Variants in DNAAF1 observed in about 807,000 individuals in gnomAD.
The protein encoded by DNAAF1 is dynein assembly factor 1, axonemal.
In DNAAF1, 65 loss-of-function variants were observed where a neutral mutation model predicts 71.1. That is an observed-to-expected ratio of 0.91 (90% CI 0.75 to 1.12). The LOEUF (loss-of-function observed/expected upper bound fraction) is 1.12. DNAAF1 is among the 50% of genes most tolerant of loss of function. The pLI, the probability that DNAAF1 is intolerant of heterozygous loss-of-function variation, is 0.00. For synonymous variants in DNAAF1, 414 were observed against 354.6 expected, an observed-to-expected ratio of 1.17 and a Z score of -1.88; for missense variants, 1,178 against 899.8, an observed-to-expected ratio of 1.31 and a Z score of -3.96.
intron 2 of DNAAF1, 136 bp from the exon 3 acceptor site, chr16:84,150,115 C>T (rs1297941553): frequency 2.1e-5 from 14 of 663,172 alleles, no homozygotes; most frequent in Admixed American, 4.9e-5. Flanking sequence ...GAGAAAAAGA[C>T]GAACTTAAAA....
chr16:84,170,177 C>T lies in DNAAF1; in HGVS notation c.1349C>T (p.Pro450Leu), dbSNP rs201362004. Residue 450 changes from proline (P) to leucine (L), a missense_variant, in exon 8 of 12, where the codon CCG becomes CTG. By Grantham distance (98) the Pro-to-Leu change is moderately conservative. Transcript: ENST00000378553. The part of the protein sequence containing the change: ...GTLPAEAPPP[P>L]PPVEVKGEDG... ...CTCCCAGCTGAGGCCCCACCACCCC[C>T]GCCACCTGTGGAGGTTAAAGGAGAG... 1.7e-5 allele frequency: 28 copies of T among 1,609,824 alleles called. No homozygotes were observed. Among genetic ancestry groups the T allele is most frequent in the African/African-American group, 2.7e-5 (2 of 74,274 alleles).
At position 84,162,831 on chromosome 16, in the gene DNAAF1, A is replaced by T. The variant is rs1031492142; in HGVS notation, c.864-2952A>T. ...GAGACTGTCTCAAAAAAACAAAAAA[A>T]AAAGAAATACCATCCCCATTAGCAG... On this transcript the variant is annotated intron_variant, in intron 6 of 11. Transcript: ENST00000378553. Among the ~76,000 whole-genome samples the T allele has an allele frequency of 5.3e-5, 8 of 152,100 alleles. No homozygotes were observed. The East Asian group carries it at 7.7e-4, about 15-fold the overall frequency.
chr16:84,155,382 C>T (rs2087378507), intron 4 of DNAAF1, among the ~76,000 whole-genome samples: 1 of 152,150 alleles, frequency 6.6e-6, no homozygotes. Flanking sequence ...GCATGTGCCA[C>T]CAGACCTGGC....
rs1256195166 is a variant in DNAAF1, at chr16:84,150,024, C to CA, written c.261-216dup. Among the ~76,000 whole-genome samples, 2,222 of 117,356 alleles carry CA rather than the reference C, an allele frequency of 0.019. 60 individuals are homozygous for CA. The highest frequency in any genetic ancestry group is 0.065 in the African/African-American group (2,067 of 31,728). 77.0% of individuals were successfully genotyped at this position (117,356 alleles called of 152,430 possible). ...TGGGCAATAGAGTGAGACTCTGTCT[C>CA]AAAAAAAAAAATGCTGAAAATAATA... is the stretch of plus-strand genomic sequence containing the variant. On this transcript the variant is annotated intron_variant, in intron 2 of 11. Coordinates refer to ENST00000378553, the MANE Select transcript of DNAAF1 (RefSeq NM_178452.6).
At chr16:84,156,404 G>C (rs1235123870) in intron 5 of DNAAF1, among the ~76,000 whole-genome samples, 1 of 152,236 alleles carries the variant, frequency 6.6e-6, no homozygotes, top group Non-Finnish European at 1.5e-5. Flanking sequence ...ATCGGAGCCA[G>C]AGGCTGGATG....
intron 3 of DNAAF1, among the ~76,000 whole-genome samples, chr16:84,154,194 A>G (rs191011860): frequency 1.3e-5 from 2 of 152,300 alleles, no homozygotes; most frequent in African/African-American, 4.8e-5. Context: ...GTAGACAACA[A>G]AAATGTATTT....
chr16:84,170,293 G>A lies in DNAAF1; in HGVS notation c.1465G>A (p.Glu489Lys), dbSNP rs769802996. The A allele has an allele frequency of 3.2e-5, 52 of 1,612,298 alleles. No individual in the cohort carries two copies. The highest frequency in any genetic ancestry group is 4.2e-5 in the Non-Finnish European group (50 of 1,179,306). Reference sequence around the variant, plus strand: ...GGTTAAAGGAGAGGATGGAGATCGAGAGCCAGAGGGGACCCTCCCAGCTGA... The same window carrying A: ...GGTTAAAGGAGAGGATGGAGATCGAAAGCCAGAGGGGACCCTCCCAGCTGA... ...VKVKGEDGDREPEGTLPAEAP... is the reference protein window; with the variant it reads ...VKVKGEDGDRKPEGTLPAEAP... The change falls in exon 8 of 12, where the codon GAG becomes AAG. Residue 489 changes from glutamate to lysine, a missense_variant. Coordinates refer to ENST00000378553, the MANE Select transcript of DNAAF1 (RefSeq NM_178452.6).
At chr16:84,169,209 G>C (rs2088190957) in intron 7 of DNAAF1, among the ~76,000 whole-genome samples, 1 of 149,118 alleles carries the variant, frequency 6.7e-6, no homozygotes, top group Non-Finnish European at 1.5e-5. Flanking sequence ...TAGTAGCTGG[G>C]ATTATAGGCA....
chr16:84,156,745 T>C (rs1254403584), intron 5 of DNAAF1, among the ~76,000 whole-genome samples: 3 of 152,184 alleles, frequency 2.0e-5, no homozygotes, highest in Admixed American at 6.5e-5. Context: ...CGCCAACTAG[T>C]GGTTCATGCA....
intron 3 of DNAAF1, among the ~76,000 whole-genome samples, chr16:84,151,255 GCA>G: frequency 6.6e-6 from 1 of 152,256 alleles, no homozygotes. Context: ...TGCTGAAAAT[GCA>G]CAGAGGGAAC....
chr16:84,171,373 G>C (rs533403586), intron 8 of DNAAF1, among the ~76,000 whole-genome samples: 73 of 152,266 alleles, frequency 4.8e-4, no homozygotes, highest in African/African-American at 1.6e-3. Flanking sequence ...GAGGGGAAGG[G>C]GATGGGAGGT....
intron 6 of DNAAF1, among the ~76,000 whole-genome samples, chr16:84,161,300 G>A (rs963047257): frequency 1.3e-5 from 2 of 152,180 alleles, no homozygotes; most frequent in Non-Finnish European, 2.9e-5. Flanking sequence ...GGGCCATGCT[G>A]AGGAAAGTAA....
At chr16:84,155,110 G>A (rs972677712) in intron 4 of DNAAF1, among the ~76,000 whole-genome samples, 12 of 152,060 alleles carry the variant, frequency 7.9e-5, no homozygotes, top group South Asian at 2.1e-4. Context: ...GGGTTTCACC[G>A]TGTTAGCCAG....
chr16:84,150,845 C>T (rs1481384912), intron 3 of DNAAF1, among the ~76,000 whole-genome samples: 1 of 152,120 alleles, frequency 6.6e-6, no homozygotes, highest in East Asian at 1.9e-4. Context: ...AACTCCTGAA[C>T]CCAGTCGATC....
intron 10 of DNAAF1, chr16:84,175,729 G>C: frequency 1.6e-6 from 1 of 618,768 alleles, no homozygotes; most frequent in Non-Finnish European, 2.8e-6. Context: ...AGGGCAGAGA[G>C]AAGGGCATAG....
intron 5 of DNAAF1, among the ~76,000 whole-genome samples, chr16:84,157,847 C>T (rs1444664072): frequency 4.6e-5 from 7 of 152,214 alleles, no homozygotes; most frequent in Non-Finnish European, 8.8e-5. Flanking sequence ...ATTATAATCC[C>T]CCCGTTTGTT....
At chr16:84,158,510 G>C (rs1367937284) in intron 5 of DNAAF1, among the ~76,000 whole-genome samples, 1 of 152,176 alleles carries the variant, frequency 6.6e-6, no homozygotes, top group Non-Finnish European at 1.5e-5. Flanking sequence ...GAGGTGCTGA[G>C]GGTTTGGACT....
At chr16:84,151,301 G>T (rs2087169653) in intron 3 of DNAAF1, among the ~76,000 whole-genome samples, 3 of 152,168 alleles carry the variant, frequency 2.0e-5, no homozygotes, top group African/African-American at 7.2e-5. Context: ...TGGGGGATGG[G>T]AGCAGCTATT....
Position 84,155,993 on chromosome 16 carries a change from C to T in DNAAF1, c.741+244C>T, listed in dbSNP as rs777467633. Among the ~76,000 whole-genome samples the T allele has an allele frequency of 3.2e-4, 48 of 151,334 alleles. 1 individual carries two copies. The highest frequency in any genetic ancestry group is 6.3e-3 in the Middle Eastern group (2 of 316). On this transcript the variant is annotated intron_variant, in intron 5 of 11. Coordinates refer to ENST00000378553, the MANE Select transcript of DNAAF1 (RefSeq NM_178452.6). ...ACTTTTTTTTTTTGATATAGAGTTT[C>T]GCTCTTCTTGATCAGGCTAGAGTGC...
Sources: gnomAD v4.1 joint callset for allele counts (sites outside exome capture counted in the v4.1 genomes callset) on GRCh38, gnomAD v4.1.1 for gene constraint, MANE v1.5 for transcripts, NCBI Gene and HGNC (gene_info 2026-07-23, HGNC 2026-07-21) for gene names.